Variants in PHF19 observed in about 807,000 individuals in gnomAD.
PHF19 encodes the protein polycomb like 3.
A neutral mutation model predicts 79.8 loss-of-function variants in PHF19; 21 were observed. The observed-to-expected ratio is 0.26, with a 90% CI of 0.19 to 0.38. The LOEUF is 0.38. Ranked by LOEUF, PHF19 falls within the 10% of genes least tolerant of loss-of-function variation. The pLI is 1.00. For missense variants in PHF19, 445 were observed against 744.2 expected (o/e 0.60, Z 4.68); for synonymous variants, 273 against 296.3 (o/e 0.92, Z 0.81).
chr9:120,898,013 C>T (rs1463718761), upstream of PHF19, among the ~76,000 whole-genome samples: 3 of 149,640 alleles, frequency 2.0e-5, no homozygotes, highest in South Asian at 6.3e-4. Flanking sequence ...ATATTAAATT[C>T]TCTTTCTGAT....
chr9:120,871,696 C>T (rs914225673), intron 3 of PHF19, among the ~76,000 whole-genome samples: 2 of 152,030 alleles, frequency 1.3e-5, no homozygotes, highest in East Asian at 3.9e-4. Context: ...CATTTTGATA[C>T]GTGTTTGTCT....
chr9:120,900,610 A>G, the PHF19 span, among the ~76,000 whole-genome samples: 2 of 152,114 alleles, frequency 1.3e-5, no homozygotes, highest in Non-Finnish European at 2.9e-5. Context: ...TCTGTCACCC[A>G]GGCTGAAGTG....
chr9:120,892,672 C>T (rs2046357796), intron 1 of PHF19, among the ~76,000 whole-genome samples: 1 of 152,136 alleles, frequency 6.6e-6, no homozygotes, highest in Non-Finnish European at 1.5e-5. Context: ...TGCTTCTGAC[C>T]TTTCCAACTT....
chr9:120,895,516 A>G (rs1418172886), upstream of PHF19, among the ~76,000 whole-genome samples: 2 of 152,038 alleles, frequency 1.3e-5, no homozygotes, highest in African/African-American at 2.4e-5. Flanking sequence ...AAAAACAACA[A>G]AAAACCCCAA....
chr9:120,869,675 G>A lies in PHF19; in HGVS notation c.465+170C>T. 6.5e-7 allele frequency: 1 copy of A among 1,549,886 alleles called. No homozygotes were observed. Among genetic ancestry groups the A allele is most frequent in the Non-Finnish European group, 8.7e-7 (1 of 1,145,544 alleles). On this transcript the variant is annotated intron_variant, in intron 5 of 14. Transcript: ENST00000373896. The surrounding 1 kb of genome is among the most constrained non-coding windows in gnomAD (Gnocchi z 5.8). ...CCACTTTACAGTTGAGGAAACTGAG[G>A]CTCAGGGAGTCTACAAATCCTGGCC...
rs183305931 is a variant in PHF19, at chr9:120,891,176, C to T, written c.42+3612G>A. ...AGGTATCCCTGCTCATGCCCCAGAG[C>T]GCCTGGGTTTCTGCTCATCACAGTT... is the stretch of plus-strand genomic sequence containing the variant. On this transcript the variant is annotated intron_variant, in intron 1 of 14. Transcript: ENST00000616568. The surrounding 1 kb of genome is among the most constrained non-coding windows in gnomAD (Gnocchi z 4.3). 2.0e-5 allele frequency among the ~76,000 whole-genome samples: 3 copies of T among 152,250 alleles called. No homozygotes were observed. The highest frequency in any genetic ancestry group is 4.4e-5 in the Non-Finnish European group (3 of 68,020).
At chr9:120,872,528 T>C (rs2045933223) in intron 3 of PHF19, among the ~76,000 whole-genome samples, 1 of 152,180 alleles carries the variant, frequency 6.6e-6, no homozygotes, top group Non-Finnish European at 1.5e-5. Context: ...ATAATACTAT[T>C]TCAGGGGTTG....
intron 1 of PHF19, among the ~76,000 whole-genome samples, chr9:120,875,211 G>C (rs1037362854): frequency 6.6e-6 from 1 of 152,174 alleles, no homozygotes; most frequent in African/African-American, 2.4e-5. Flanking sequence ...CCTGAGATCT[G>C]TCCAGAGAAA....
At chr9:120,864,188 C>G (rs1435323300) in intron 9 of PHF19, 72 bp from the exon 10 acceptor site, 2 of 1,266,558 alleles carry the variant, frequency 1.6e-6, no homozygotes, top group Admixed American at 3.7e-5. Context: ...GCCCCTACTC[C>G]CTCCCTTCCA....
At chr9:120,885,088 T>C in intron 1 of PHF19, among the ~76,000 whole-genome samples, 1 of 152,008 alleles carries the variant, frequency 6.6e-6, no homozygotes, top group East Asian at 1.9e-4. Flanking sequence ...GGTGGTGACA[T>C]GCACCTGCAG....
chr9:120,869,433 C>T lies in PHF19; in HGVS notation c.466-103G>A, dbSNP rs2045823090. ...GGAAGTGCTGCCAGGGCTTGGGGGA[C>T]CCGCAGATATTCCAATATAGTCAGA... On this transcript the variant is annotated intron_variant, in intron 5 of 14. Coordinates refer to ENST00000373896, the MANE Select transcript of PHF19 (RefSeq NM_015651.3). The surrounding 1 kb of genome is among the most constrained non-coding windows in gnomAD (Gnocchi z 5.8). The T allele has an allele frequency of 1.4e-6, 2 of 1,385,018 alleles. No homozygotes were observed. Among genetic ancestry groups the T allele is most frequent in the Admixed American group, 2.4e-5 (1 of 41,198 alleles). The allele number at this position is 1,385,018 out of a possible 1,614,324, so 85.8% of individuals were successfully genotyped here.
chr9:120,860,991 C>A lies in PHF19; in HGVS notation c.1304+98G>T. Reference sequence around the variant, plus strand: ...CTGCAAAAAGCCCCTTCAGACAGACCTGCACAGCAGGGATCCTTTTAACTG... The same window carrying A: ...CTGCAAAAAGCCCCTTCAGACAGACATGCACAGCAGGGATCCTTTTAACTG... On this transcript the variant is annotated intron_variant, in intron 13 of 14. Coordinates refer to ENST00000373896, the MANE Select transcript of PHF19 (RefSeq NM_015651.3). The surrounding 1 kb of genome is among the most constrained non-coding windows in gnomAD (Gnocchi z 4.1). The A allele has an allele frequency of 1.3e-6, 1 of 784,574 alleles. No homozygotes were observed. 48.6% of individuals were successfully genotyped at this position (784,574 alleles called of 1,614,324 possible).
At chr9:120,878,844 G>A (rs769830882), upstream of PHF19, among the ~76,000 whole-genome samples, 2 of 152,218 alleles carry the variant, frequency 1.3e-5, no homozygotes, top group African/African-American at 4.8e-5. Flanking sequence ...GGGGCCCTAG[G>A]ATTGTGCTAC....
intron 1 of PHF19, among the ~76,000 whole-genome samples, chr9:120,889,436 A>C (rs1477193780): frequency 6.6e-6 from 1 of 151,494 alleles, no homozygotes; most frequent in African/African-American, 2.4e-5. Context: ...AAAAAAAAAA[A>C]AAAAAAAGGA....
At chr9:120,902,799 C>T in the PHF19 span, 1 of 152,278 alleles carries the variant, frequency 6.6e-6, no homozygotes, top group Admixed American at 6.5e-5. Context: ...CTTATCTGCT[C>T]ATTTCCTCCA....
At chr9:120,876,942 G>A in intron 1 of PHF19, 149 bp downstream of exon 1, 1 of 982,690 alleles carries the variant, frequency 1.0e-6, no homozygotes, top group Non-Finnish European at 1.2e-6. Flanking sequence ...TGCACCCCCG[G>A]TCCCCACCCC....
rs901906537 is a variant in PHF19, at chr9:120,870,379, C to G, written c.364+64G>C. The G allele has an allele frequency of 4.0e-6, 4 of 999,290 alleles. No homozygotes were observed. The African/African-American group carries it at 4.8e-5, about 12-fold the overall frequency. 61.9% of individuals were successfully genotyped at this position (999,290 alleles called of 1,614,324 possible). On this transcript the variant is annotated intron_variant, in intron 4 of 14. Transcript: ENST00000373896. This position sits in a 1 kb window ranked among gnomAD's most constrained non-coding sequence, Gnocchi z 4.4. ...CCCAACAGGCTGCAGCAGTACCCGT[C>G]AGGGGCCAGTGCGTGGGGACCTATA... is the stretch of plus-strand genomic sequence containing the variant.
rs923306827 is a variant in PHF19 at position 120,870,925 on chromosome 9, G to C, written c.269-387C>G. Among the ~76,000 whole-genome samples the C allele has an allele frequency of 4.6e-5, 7 of 152,068 alleles. No homozygotes were observed. The highest frequency in any genetic ancestry group is 4.6e-4 in the Admixed American group (7 of 15,260). The stretch of plus-strand genomic sequence containing the variant: ...ATATAATTTGTTTGTTTGTTTTGTT[G>C]AGATGGAGTCTCTGTCACCCAGGCT... On this transcript the variant is annotated intron_variant, in intron 3 of 14. Coordinates refer to ENST00000373896, the MANE Select transcript of PHF19 (RefSeq NM_015651.3). This position sits in a 1 kb window ranked among gnomAD's most constrained non-coding sequence, Gnocchi z 4.4.
upstream of PHF19, among the ~76,000 whole-genome samples, chr9:120,878,263 C>T (rs2046121462): frequency 6.6e-6 from 1 of 152,202 alleles, no homozygotes; most frequent in Admixed American, 6.5e-5. Flanking sequence ...ACAACATGCA[C>T]AGAGTCATAG....
Sources: allele counts gnomAD v4.1 joint callset (sites outside exome capture counted in the v4.1 genomes callset), GRCh38; gene constraint gnomAD v4.1.1; non-coding constraint Gnocchi (gnomAD v3.1); transcripts MANE v1.5; gene names NCBI Gene and HGNC (gene_info 2026-07-23, HGNC 2026-07-21).